Variants in DSC1 observed in about 807,000 individuals in gnomAD.
DSC1 encodes desmocollin 1, also known as desmocollin-1.
DSC1 carries 79 observed loss-of-function variants against 98.8 expected under a neutral mutation model. That is an observed-to-expected ratio of 0.80 (90% confidence interval 0.67 to 0.96). The LOEUF is 0.96. Ranked by LOEUF, DSC1 falls within the 50% of genes least tolerant of loss-of-function variation. DSC1 has a pLI of 0.00. For missense variants in DSC1, 1,115 were observed against 1,075.9 expected (o/e 1.04, Z -0.51); for synonymous variants, 405 against 372.1 (o/e 1.09, Z -1.02).
intron 5 of DSC1, among the ~76,000 whole-genome samples, chr18:31,151,502 T>A (rs568886398): frequency 1.3e-5 from 2 of 152,334 alleles, no homozygotes; most frequent in South Asian, 2.1e-4. Context: ...TTAAGTGTTG[T>A]TACAATAAAA....
chr18:31,145,906 T>C (rs1253369537), intron 6 of DSC1, 129 bp from the exon 7 acceptor site: 6 of 1,002,018 alleles, frequency 6.0e-6, no homozygotes, highest in Non-Finnish European at 4.4e-6. Flanking sequence ...TACTGTTAAG[T>C]TGACGAATGT....
chr18:31,154,506 T>C (rs1051337285), intron 5 of DSC1, among the ~76,000 whole-genome samples: 9 of 152,158 alleles, frequency 5.9e-5, no homozygotes, highest in African/African-American at 2.2e-4. Context: ...AGTAAAACTC[T>C]TTGTTATTTC....
At chr18:31,158,930 T>C (rs933530665) in intron 2 of DSC1, among the ~76,000 whole-genome samples, 1 of 152,054 alleles carries the variant, frequency 6.6e-6, no homozygotes, top group African/African-American at 2.4e-5. Flanking sequence ...CTAATTTTTT[T>C]GGCAAGAGAA....
At chr18:31,144,702 T>G (rs7238480) in intron 7 of DSC1, among the ~76,000 whole-genome samples, 44,380 of 151,738 alleles carry the variant, frequency 0.29, 7,612 homozygotes, top group East Asian at 0.56. Flanking sequence ...ACTATAATGA[T>G]GAATGTGTGT....
At position 31,150,375 on chromosome 18, in the gene DSC1, T is replaced by G. The variant is rs57672122; in HGVS notation, c.628-1733A>C. ...ACCACCACCATCATCACCACCACCA[T>G]CATCACCACCATCACCACCATTATC... On this transcript the variant is annotated intron_variant, in intron 5 of 15. Transcript: ENST00000257198. 6.5e-5 allele frequency among the ~76,000 whole-genome samples: 2 copies of G among 30,816 alleles called. 1 individual carries two copies. The highest frequency in any genetic ancestry group is 2.7e-4 in the African/African-American group (2 of 7,378). 20.2% of individuals were successfully genotyped at this position (30,816 alleles called of 152,430 possible).
intron 5 of DSC1, among the ~76,000 whole-genome samples, chr18:31,152,172 C>A (rs75960405): frequency 0.23 from 34,955 of 149,282 alleles, 4,556 homozygotes; most frequent in East Asian, 0.56. Flanking sequence ...AAAAAAACAA[C>A]AAAAAAAAAC....
At chr18:31,138,425 T>G (rs991363775) in intron 11 of DSC1, among the ~76,000 whole-genome samples, 1 of 152,144 alleles carries the variant, frequency 6.6e-6, no homozygotes, top group African/African-American at 2.4e-5. Flanking sequence ...ATAATAATTC[T>G]ATAGTTGATA....
chr18:31,139,786 T>G lies in DSC1; in HGVS notation c.1625A>C (p.Asn542Thr), dbSNP rs1988690758. ...AACAACTGAAATATTGTATTGGTTGTTTTTTACAAATTTGGATTCTCTATC... is the reference window on the plus strand; with the variant it reads ...AACAACTGAAATATTGTATTGGTTGGTTTTTACAAATTTGGATTCTCTATC... ...VLDRESKFVK[N>T]NQYNISVVAV... is the part of the protein sequence containing the mutation. The change falls in exon 11 of 16, where the codon AAC becomes ACC. Residue 542 changes from asparagine to threonine, a missense_variant. Asn to Thr is a moderately conservative substitution (Grantham distance 65, BLOSUM62 0). Coordinates refer to ENST00000257198, the MANE Select transcript of DSC1 (RefSeq NM_024421.2). 6.2e-7 allele frequency: 1 copy of G among 1,610,868 alleles called. No individual in the cohort carries two copies. Among genetic ancestry groups the G allele is most frequent in the Non-Finnish European group, 8.5e-7 (1 of 1,178,874 alleles).
chr18:31,139,692 G>A, intron 11 of DSC1, 56 bp downstream of exon 11: 1 of 1,449,924 alleles, frequency 6.9e-7, no homozygotes, highest in African/African-American at 1.4e-5. Flanking sequence ...TCACCACAAG[G>A]TTTCCTTAAA....
At chr18:31,132,241 G>C (rs898391642) in intron 14 of DSC1, 1 of 343,276 alleles carries the variant, frequency 2.9e-6, no homozygotes, top group Non-Finnish European at 5.4e-6. Context: ...GGAATTGGCA[G>C]AAGCTAGGAG....
At chr18:31,145,811 C>A in intron 6 of DSC1, 34 bp from the exon 7 acceptor site, 1 of 1,589,072 alleles carries the variant, frequency 6.3e-7, no homozygotes, top group Non-Finnish European at 8.5e-7. Flanking sequence ...TCAAAAATTT[C>A]TACTCATATA....
At chr18:31,139,611 A>G in intron 11 of DSC1, 137 bp downstream of exon 11, 1 of 892,924 alleles carries the variant, frequency 1.1e-6, no homozygotes, top group Non-Finnish European at 1.6e-6. Context: ...AAACTGGGTG[A>G]TATCCAATAA....
intron 11 of DSC1, among the ~76,000 whole-genome samples, chr18:31,139,471 C>A (rs1236125377): frequency 6.6e-6 from 1 of 152,018 alleles, no homozygotes; most frequent in Admixed American, 6.6e-5. Flanking sequence ...ATATATAGAT[C>A]ATCTTTGAAT....
chr18:31,137,611 A>G (rs1454052731), intron 11 of DSC1, among the ~76,000 whole-genome samples: 2 of 152,184 alleles, frequency 1.3e-5, no homozygotes, highest in African/African-American at 4.8e-5. Context: ...TTGTTAGGAG[A>G]ACAGAATATA....
rs2249810 is a variant in DSC1, at chr18:31,154,786, A to G, written c.615T>C (p.Tyr205=). 0.56 allele frequency: 901,106 copies of G among 1,608,540 alleles called. 257,989 individuals are homozygous for G. The highest frequency in any genetic ancestry group is 0.68 in the East Asian group (30,511 of 44,744). The change falls in exon 5 of 16, where the codon TAT becomes TAC. Residue 205 remains tyrosine (Y), a synonymous_variant. Coordinates refer to ENST00000257198, the MANE Select transcript of DSC1 (RefSeq NM_024421.2). Reference sequence around the variant, plus strand: ...TCAATAATCCTACCGCAAACTGTTCATATTTCTCACGGTCAATGCTCCTTG... The same window carrying G: ...TCAATAATCCTACCGCAAACTGTTCGTATTTCTCACGGTCAATGCTCCTTG... The part of the protein sequence containing the change: ...FCTRSIDREK[Y]EQFALYGYAT...
intron 6 of DSC1, among the ~76,000 whole-genome samples, chr18:31,148,235 T>C (rs11874325): frequency 0.23 from 35,608 of 152,000 alleles, 4,691 homozygotes; most frequent in East Asian, 0.56. Context: ...GCCAGAATTA[T>C]AAAATCATGA....
chr18:31,155,290 A>G (rs1989074508), intron 4 of DSC1, among the ~76,000 whole-genome samples: 1 of 152,204 alleles, frequency 6.6e-6, no homozygotes, highest in African/African-American at 2.4e-5. Context: ...GTGATAATAA[A>G]ACTAGAAGTA....
At position 31,154,900 on chromosome 18, in the gene DSC1, G is replaced by T. The variant is rs770562551; in HGVS notation, c.501C>A (p.Thr167=). ...CTGGCCCACTTATGGAATAAAAGATGGTGTAATTCTGTGCAGCATCAGATT... is the reference window on the plus strand; with the variant it reads ...CTGGCCCACTTATGGAATAAAAGATTGTGTAATTCTGTGCAGCATCAGATT... ...QIQSDAAQNY[T]IFYSISGPGV... is the part of the protein sequence containing the mutation. The change falls in exon 5 of 16, where the codon ACC becomes ACA. Residue 167 remains threonine (T), a synonymous_variant. Transcript: ENST00000257198. The T allele has an allele frequency of 1.2e-6, 2 of 1,613,770 alleles. No individual in the cohort carries two copies. The highest frequency in any genetic ancestry group is 8.5e-7 in the Non-Finnish European group (1 of 1,179,908).
Position 31,131,674 on chromosome 18 carries a change from C to A in DSC1, c.2407G>T (p.Val803Phe). 1 of 1,614,122 alleles carries A rather than the reference C, an allele frequency of 6.2e-7. No individual in the cohort carries two copies. The highest frequency in any genetic ancestry group is 1.1e-5 in the South Asian group (1 of 91,084). ...GTATCTCCCTGCCCCACTCCCTTGA[C>A]GGACTCCAAGGTCTGATGTCCACCT... Reference protein sequence around the residue: ...KGGGHQTLESVKGVGQGDTGR... With the variant: ...KGGGHQTLESFKGVGQGDTGR... Residue 803 changes from valine to phenylalanine, a missense_variant, in exon 15 of 16, where the codon GTC (valine) becomes TTC (phenylalanine). Transcript: ENST00000257198.
Sources: allele counts gnomAD v4.1 joint callset (sites outside exome capture counted in the v4.1 genomes callset), GRCh38; gene constraint gnomAD v4.1.1; transcripts MANE v1.5; gene names NCBI Gene and HGNC (gene_info 2026-07-23, HGNC 2026-07-21).